The following IMMP2L variants were observed in gnomAD, a reference collection of about 807,000 sequenced individuals.
The protein encoded by IMMP2L is mitochondrial inner membrane protease subunit 2.
Under a neutral mutation model 19.3 loss-of-function variants are expected in IMMP2L, and 18 were observed. That is an observed-to-expected ratio of 0.93 (90% CI 0.64 to 1.38). IMMP2L has a LOEUF of 1.38. IMMP2L is among the 40% of genes most tolerant of loss of function. The pLI is 0.00. For synonymous variants in IMMP2L, 76 were observed against 73.0 expected, an observed-to-expected ratio of 1.04 and a Z score of -0.21; for missense variants, 233 against 218.2, an observed-to-expected ratio of 1.07 and a Z score of -0.43.
chr7:111,451,569 G>T lies in IMMP2L; in HGVS notation c.239+35669C>A, dbSNP rs1403495636. ...ACACTCTGGGGACTGTGGTGGGGAG[G>T]GGGGAGGGGGGAGGGATAGCATTGG... On this transcript the variant is annotated intron_variant, in intron 3 of 5. Coordinates refer to ENST00000405709, the MANE Select transcript of IMMP2L (RefSeq NM_032549.4). 4.9e-4 allele frequency among the ~76,000 whole-genome samples: 58 copies of T among 118,930 alleles called. 2 individuals are homozygous for T. The highest frequency in any genetic ancestry group is 1.6e-3 in the African/African-American group (52 of 31,584). The allele number at this position is 118,930 out of a possible 152,430, so 78.0% of individuals were successfully genotyped here. A position where few individuals can be genotyped will look rare whatever the true frequency, so the allele number is the denominator to read the frequency against.
At chr7:111,086,023 G>T (rs1298986351) in intron 3 of IMMP2L, among the ~76,000 whole-genome samples, 1 of 152,060 alleles carries the variant, frequency 6.6e-6, no homozygotes, top group African/African-American at 2.4e-5. Flanking sequence ...GGCTACTAGG[G>T]TTAATATGTG....
chr7:111,334,469 T>C (rs1173117322), intron 3 of IMMP2L, among the ~76,000 whole-genome samples: 1 of 152,238 alleles, frequency 6.6e-6, no homozygotes, highest in South Asian at 2.1e-4. Flanking sequence ...CATCAGTTGA[T>C]TGGCACTTAG....
At chr7:111,175,760 T>A (rs1042262838) in intron 3 of IMMP2L, among the ~76,000 whole-genome samples, 3 of 151,620 alleles carry the variant, frequency 2.0e-5, no homozygotes, top group Admixed American at 6.6e-5. Flanking sequence ...AGAAAACCCA[T>A]GCAAAAATGG....
chr7:111,445,377 C>T (rs554992819), intron 3 of IMMP2L, among the ~76,000 whole-genome samples: 2 of 152,034 alleles, frequency 1.3e-5, no homozygotes, highest in African/African-American at 4.8e-5. Context: ...ATTTATTCCC[C>T]CTTTCCTAGA....
At chr7:111,406,186 A>ATC (rs1475468684) in intron 3 of IMMP2L, among the ~76,000 whole-genome samples, 5 of 152,082 alleles carry the variant, frequency 3.3e-5, no homozygotes, top group Non-Finnish European at 5.9e-5. Flanking sequence ...TGCCTCTTGT[A>ATC]TCTCAATACA....
At chr7:111,339,930 C>A (rs991167406) in intron 3 of IMMP2L, among the ~76,000 whole-genome samples, 1 of 151,930 alleles carries the variant, frequency 6.6e-6, no homozygotes, top group Admixed American at 6.6e-5. Context: ...CTGCACATAG[C>A]CCCCCAGAGT....
chr7:110,942,286 T>G lies in IMMP2L; in HGVS notation c.305+21214A>C, dbSNP rs542379383. 7.2e-5 allele frequency among the ~76,000 whole-genome samples: 11 copies of G among 152,050 alleles called. No individual in the cohort carries two copies. In the East Asian group the frequency reaches 2.1e-3, roughly 29 times the overall value. The stretch of plus-strand genomic sequence containing the variant: ...TGCTGAACTTAAATTGAAGAATAAC[T>G]CAATAGGAAATACACAATAGCAGTG... On this transcript the variant is annotated intron_variant, in intron 4 of 5. Transcript: ENST00000405709.
chr7:111,493,596 T>A (rs1482933321), intron 2 of IMMP2L, among the ~76,000 whole-genome samples: 1 of 151,602 alleles, frequency 6.6e-6, no homozygotes, highest in Non-Finnish European at 1.5e-5. Context: ...TCCCAGCTAC[T>A]CGGGAGGCTG....
intron 3 of IMMP2L, among the ~76,000 whole-genome samples, chr7:111,155,230 A>G (rs1029438149): frequency 1.4e-4 from 21 of 152,112 alleles, no homozygotes; most frequent in African/African-American, 5.1e-4. Flanking sequence ...TGGAATGCAG[A>G]TATCATTGCA....
intron 3 of IMMP2L, among the ~76,000 whole-genome samples, chr7:111,288,409 A>AC (rs1820730145): frequency 1.3e-5 from 2 of 152,188 alleles, no homozygotes; most frequent in African/African-American, 4.8e-5. Context: ...ACCAAAAGCA[A>AC]TGGCAACAAA....
intron 5 of IMMP2L, among the ~76,000 whole-genome samples, chr7:110,720,191 G>A (rs1018188855): frequency 2.0e-5 from 3 of 152,064 alleles, no homozygotes; most frequent in Non-Finnish European, 2.9e-5. Flanking sequence ...AAGAGATCAC[G>A]AACAACAAAA....
intron 3 of IMMP2L, among the ~76,000 whole-genome samples, chr7:111,277,545 A>T (rs1320055459): frequency 6.7e-6 from 1 of 149,832 alleles, no homozygotes; most frequent in Non-Finnish European, 1.5e-5. Flanking sequence ...AGCCTGAGAC[A>T]GACAGGGACC....
chr7:110,911,670 G>C (rs1813072137), intron 4 of IMMP2L, among the ~76,000 whole-genome samples: 1 of 152,054 alleles, frequency 6.6e-6, no homozygotes, highest in Non-Finnish European at 1.5e-5. Flanking sequence ...AATTGCAAAT[G>C]TTTTTCCTTT....
intron 3 of IMMP2L, among the ~76,000 whole-genome samples, chr7:111,340,845 AT>A (rs1397737464): frequency 1.3e-5 from 2 of 152,242 alleles, no homozygotes; most frequent in East Asian, 1.9e-4. Flanking sequence ...AGTACTTACT[AT>A]AAGTACGCTT....
At chr7:111,124,793 G>A (rs754299804) in intron 3 of IMMP2L, 17 of 1,613,344 alleles carry the variant, frequency 1.1e-5, no homozygotes, top group Non-Finnish European at 1.4e-5. Context: ...TTTGCATTAG[G>A]TGAGCTTTAT....
In IMMP2L at chr7:110,924,194, G is replaced by A. The variant is rs967572407; in HGVS notation, c.306-37499C>T. Reference sequence around the variant, plus strand: ...TTTATCAGCATGAAGCCAGGTTTGGGCCTATAAGAACATAGACAGCACTGT... The same window carrying A: ...TTTATCAGCATGAAGCCAGGTTTGGACCTATAAGAACATAGACAGCACTGT... On this transcript the variant is annotated intron_variant, in intron 4 of 5. Coordinates refer to ENST00000405709, the MANE Select transcript of IMMP2L (RefSeq NM_032549.4). This position sits in a 1 kb window ranked among gnomAD's most constrained non-coding sequence, Gnocchi z 4.2. 6.6e-6 allele frequency among the ~76,000 whole-genome samples: 1 copy of A among 152,124 alleles called. No individual in the cohort carries two copies.
At chr7:111,384,719 G>A (rs1563127625) in intron 3 of IMMP2L, among the ~76,000 whole-genome samples, 1 of 152,072 alleles carries the variant, frequency 6.6e-6, no homozygotes, top group Non-Finnish European at 1.5e-5. Context: ...AATGAGTCAC[G>A]TAGCAGTAAA....
intron 3 of IMMP2L, among the ~76,000 whole-genome samples, chr7:111,089,978 C>T (rs1160443775): frequency 6.6e-6 from 1 of 151,308 alleles, no homozygotes; most frequent in Non-Finnish European, 1.5e-5. Flanking sequence ...CTAAGTAAAT[C>T]TAATAAGTGC....
chr7:110,972,951 A>C (rs1361621422), intron 3 of IMMP2L, among the ~76,000 whole-genome samples: 1 of 152,068 alleles, frequency 6.6e-6, no homozygotes, highest in African/African-American at 2.4e-5. Context: ...TTCCCTTATT[A>C]GGTTAGCCTG....
Sources: allele counts gnomAD v4.1 joint callset (sites outside exome capture counted in the v4.1 genomes callset), GRCh38; gene constraint gnomAD v4.1.1; non-coding constraint Gnocchi (gnomAD v3.1); transcripts MANE v1.5; gene names NCBI Gene and HGNC (gene_info 2026-07-23, HGNC 2026-07-21).